Variants in PKP2 observed in about 807,000 individuals in gnomAD.
PKP2 encodes the protein plakophilin-2.
Under a neutral mutation model 83.4 loss-of-function variants are expected in PKP2, and 73 were observed. The observed-to-expected ratio is 0.88, with a 90% CI of 0.72 to 1.06. The LOEUF (loss-of-function observed/expected upper bound fraction) is 1.06, where lower values mean the gene tolerates loss of function less well. Ranked by LOEUF, PKP2 falls within the 50% of genes least tolerant of loss-of-function variation. The pLI is 0.00. For missense variants in PKP2, 966 were observed against 1,065.4 expected (o/e 0.91, Z 1.30); for synonymous variants, 409 against 430.4 (o/e 0.95, Z 0.62).
At chr12:32,874,410 G>A (rs760557757) in intron 3 of PKP2, among the ~76,000 whole-genome samples, 22 of 152,158 alleles carry the variant, frequency 1.4e-4, no homozygotes, top group East Asian at 3.9e-4. Context: ...CACAAAATAC[G>A]TCTGGCTCCC....
chr12:32,796,066 A>G (rs748215197), intron 11 of PKP2, 43 bp downstream of exon 11: 2 of 1,511,992 alleles, frequency 1.3e-6, no homozygotes, highest in African/African-American at 1.4e-5. Context: ...CAGGCTGGTG[A>G]GGGGAAAGGG....
intron 5 of PKP2, among the ~76,000 whole-genome samples, chr12:32,846,596 T>C (rs911124723): frequency 6.6e-6 from 1 of 151,754 alleles, no homozygotes; most frequent in Non-Finnish European, 1.5e-5. Context: ...AAATACAAAA[T>C]TAGCCAGGCA....
intron 4 of PKP2, among the ~76,000 whole-genome samples, chr12:32,852,247 T>C (rs981752149): frequency 6.6e-6 from 1 of 152,158 alleles, no homozygotes; most frequent in African/African-American, 2.4e-5. Flanking sequence ...AGTTTGTCAC[T>C]TAGGAAGGAC....
intron 6 of PKP2, among the ~76,000 whole-genome samples, chr12:32,830,632 C>T (rs920602739): frequency 6.6e-6 from 1 of 152,030 alleles, no homozygotes; most frequent in African/African-American, 2.4e-5. Context: ...TCTGGCCAGG[C>T]ACGGTGGCTC....
At position 32,851,879 on chromosome 12, in the gene PKP2, T is replaced by C. The variant is rs186739494; in HGVS notation, c.1171-906A>G. Among the ~76,000 whole-genome samples, 496 of 152,316 alleles carry C rather than the reference T, an allele frequency of 3.3e-3. 2 individuals carry two copies. The highest frequency in any genetic ancestry group is 5.3e-3 in the Admixed American group (81 of 15,298). ...ATTTTACACTTTTAAATGTGTTATT[T>C]AAAAAATATTCCTTCTATCCAAATA... On this transcript the variant is annotated intron_variant, in intron 4 of 12. Transcript: ENST00000340811.
chr12:32,888,075 A>G (rs1265227604), intron 1 of PKP2, among the ~76,000 whole-genome samples: 1 of 152,142 alleles, frequency 6.6e-6, no homozygotes, highest in Non-Finnish European at 1.5e-5. Flanking sequence ...CCAACTACTC[A>G]GGAGGCTGAG....
intron 1 of PKP2, among the ~76,000 whole-genome samples, chr12:32,886,470 T>C (rs753905061): frequency 2.0e-5 from 3 of 152,208 alleles, no homozygotes. Context: ...TCAAAGACCA[T>C]ACGTATGTCC....
chr12:32,832,149 C>A (rs1453155099), intron 6 of PKP2, among the ~76,000 whole-genome samples: 1 of 152,144 alleles, frequency 6.6e-6, no homozygotes, highest in Non-Finnish European at 1.5e-5. Flanking sequence ...GAGGCCAAGG[C>A]AGGCAGATCA....
intron 10 of PKP2, among the ~76,000 whole-genome samples, chr12:32,799,273 A>G (rs1378228092): frequency 2.0e-5 from 3 of 152,212 alleles, no homozygotes; most frequent in South Asian, 4.1e-4. Context: ...TAATTTAAAA[A>G]TCAAAATTTA....
chr12:32,827,638 T>C (rs894162181), intron 6 of PKP2, among the ~76,000 whole-genome samples: 6 of 152,240 alleles, frequency 3.9e-5, no homozygotes, highest in African/African-American at 1.4e-4. Context: ...ATTTATTGAT[T>C]GGTTTCCCAT....
intron 1 of PKP2, among the ~76,000 whole-genome samples, chr12:32,881,326 T>C (rs1406827702): frequency 6.6e-6 from 1 of 152,202 alleles, no homozygotes; most frequent in African/African-American, 2.4e-5. Flanking sequence ...GGGGCTTGAT[T>C]TCTCCACAAG....
chr12:32,878,872 T>A (rs181547122), intron 2 of PKP2, 48 bp downstream of exon 2: 1 of 981,860 alleles, frequency 1.0e-6, no homozygotes, highest in Non-Finnish European at 1.7e-6. Flanking sequence ...TGAAAATATT[T>A]TCATGGTAGT....
At chr12:32,798,476 CT>C (rs139936079) in intron 10 of PKP2, among the ~76,000 whole-genome samples, 12,081 of 142,816 alleles carry the variant, frequency 0.085, 918 homozygotes, top group African/African-American at 0.21. Context: ...TTGAGTTTGG[CT>C]TTTTTTTTTT....
chr12:32,868,143 C>T (rs750945367), intron 4 of PKP2, among the ~76,000 whole-genome samples: 3 of 152,126 alleles, frequency 2.0e-5, no homozygotes, highest in Non-Finnish European at 1.5e-5. Flanking sequence ...TCTACATTTC[C>T]GAATTGCAGG....
At chr12:32,821,995 T>C (rs1592737612) in intron 8 of PKP2, among the ~76,000 whole-genome samples, 2 of 152,312 alleles carry the variant, frequency 1.3e-5, no homozygotes, top group Admixed American at 1.3e-4. Context: ...TTCTCTTAGT[T>C]TTCATATCAG....
At chr12:32,866,446 G>A (rs1285175427) in intron 4 of PKP2, among the ~76,000 whole-genome samples, 1 of 151,286 alleles carries the variant, frequency 6.6e-6, no homozygotes, top group East Asian at 1.9e-4. Context: ...AGCTACTTGG[G>A]AGGCTGAGGT....
chr12:32,881,790 T>G (rs1463337839), intron 1 of PKP2, among the ~76,000 whole-genome samples: 1 of 152,192 alleles, frequency 6.6e-6, no homozygotes, highest in Non-Finnish European at 1.5e-5. Context: ...TGAGCCACCG[T>G]GTCTGGCCTC....
intron 1 of PKP2, among the ~76,000 whole-genome samples, chr12:32,889,999 C>T (rs541514612): frequency 1.9e-4 from 26 of 140,532 alleles, no homozygotes; most frequent in Admixed American, 3.1e-4. Context: ...CGCTTGAACC[C>T]GAGGAGACGG....
chr12:32,809,797 C>T (rs1114701), intron 9 of PKP2, among the ~76,000 whole-genome samples: 99,057 of 152,006 alleles, frequency 0.65, 33,509 homozygotes, highest in Non-Finnish European at 0.77. Flanking sequence ...AATCGGTCAC[C>T]GCTTCCCTTT....
Sources: gnomAD v4.1 joint callset for allele counts (sites outside exome capture counted in the v4.1 genomes callset) on GRCh38, gnomAD v4.1.1 for gene constraint, MANE v1.5 for transcripts, NCBI Gene and HGNC (gene_info 2026-07-23, HGNC 2026-07-21) for gene names.